Variants in ZMAT4 observed in about 807,000 individuals in gnomAD.
ZMAT4 encodes zinc finger matrin-type 4.
A neutral mutation model predicts 28.7 loss-of-function variants in ZMAT4; 17 were observed. The ratio of observed to expected loss-of-function variants is 0.59; its 90% confidence interval spans 0.41 to 0.89. The LOEUF is 0.89. ZMAT4 is among the 40% of genes least tolerant of loss of function. The probability of loss-of-function intolerance (pLI) is 0.00; values close to 1 mark genes in which losing one functional copy is unlikely to be tolerated. For synonymous variants in ZMAT4, 117 were observed against 109.2 expected, an observed-to-expected ratio of 1.07 and a Z score of -0.44; for missense variants, 240 against 283.8, an observed-to-expected ratio of 0.85 and a Z score of 1.11.
intron 3 of ZMAT4, among the ~76,000 whole-genome samples, chr8:40,764,206 AATTT>A (rs1176652389): frequency 6.6e-6 from 1 of 152,168 alleles, no homozygotes; most frequent in East Asian, 1.9e-4. Context: ...TGACCATAAC[AATTT>A]ATTTCTCACT....
intron 4 of ZMAT4, among the ~76,000 whole-genome samples, chr8:40,680,533 T>TG (rs1563407700): frequency 6.6e-6 from 1 of 152,036 alleles, no homozygotes; most frequent in Non-Finnish European, 1.5e-5. Context: ...GACCACCAGG[T>TG]GGGCGTCATT....
At chr8:40,800,153 G>T (rs1168177908) in intron 2 of ZMAT4, among the ~76,000 whole-genome samples, 2 of 152,134 alleles carry the variant, frequency 1.3e-5, no homozygotes, top group Non-Finnish European at 2.9e-5. Flanking sequence ...ATAAAAAGAG[G>T]TATTATGTAA....
At chr8:40,579,643 C>T (rs546933605) in intron 6 of ZMAT4, among the ~76,000 whole-genome samples, 1 of 152,194 alleles carries the variant, frequency 6.6e-6, no homozygotes, top group African/African-American at 2.4e-5. Context: ...CTGTGATGTA[C>T]ATCTTTGCAA....
intron 5 of ZMAT4, among the ~76,000 whole-genome samples, chr8:40,669,885 A>T (rs550874189): frequency 2.0e-5 from 3 of 152,328 alleles, no homozygotes; most frequent in Non-Finnish European, 4.4e-5. Context: ...AAACTACAAA[A>T]CATTGCCTAT....
intron 3 of ZMAT4, among the ~76,000 whole-genome samples, chr8:40,729,593 CTTTCTTT>C (rs1204302802): frequency 7.1e-6 from 1 of 140,006 alleles, no homozygotes; most frequent in Non-Finnish European, 1.6e-5. Flanking sequence ...TTCTTTCTTT[CTTTCTTT>C]TTTTTTTTTT....
intron 4 of ZMAT4, among the ~76,000 whole-genome samples, chr8:40,683,835 T>TTCCA (rs1488337380): frequency 2.0e-5 from 3 of 152,012 alleles, no homozygotes; most frequent in Non-Finnish European, 4.4e-5. Context: ...GAGGCTGAAA[T>TTCCA]GGGTGGATCA....
At chr8:40,820,763 A>ATGTAGGTGTGTTTACGTG (rs1402481677) in intron 2 of ZMAT4, among the ~76,000 whole-genome samples, 54 of 123,332 alleles carry the variant, frequency 4.4e-4, no homozygotes, top group Non-Finnish European at 5.2e-4. Flanking sequence ...GTGCATATGC[A>ATGTAGGTGTGTTTACGTG]TGTGTATATG....
At chr8:40,554,010 C>T (rs966072623) in intron 6 of ZMAT4, among the ~76,000 whole-genome samples, 2 of 152,136 alleles carry the variant, frequency 1.3e-5, no homozygotes, top group East Asian at 1.9e-4. Flanking sequence ...ACTCATGCCA[C>T]TTAAGGGTAC....
At chr8:40,804,196 A>G (rs948894586) in intron 2 of ZMAT4, among the ~76,000 whole-genome samples, 2 of 152,218 alleles carry the variant, frequency 1.3e-5, no homozygotes, top group African/African-American at 4.8e-5. Flanking sequence ...CATAGAATAT[A>G]TAACACCAAA....
At chr8:40,781,802 C>CATAA (rs1388612640) in intron 2 of ZMAT4, among the ~76,000 whole-genome samples, 1 of 128,424 alleles carries the variant, frequency 7.8e-6, no homozygotes, top group Admixed American at 7.6e-5. Flanking sequence ...GAAAAGAATC[C>CATAA]ATAAATAAAT....
intron 3 of ZMAT4, among the ~76,000 whole-genome samples, chr8:40,703,818 A>G (rs761931895): frequency 6.6e-6 from 1 of 152,226 alleles, no homozygotes; most frequent in Non-Finnish European, 1.5e-5. Flanking sequence ...GCCCAAAGAT[A>G]TGTTGAAATT....
chr8:40,856,628 C>T (rs990904623), intron 1 of ZMAT4, among the ~76,000 whole-genome samples: 3 of 152,190 alleles, frequency 2.0e-5, no homozygotes, highest in Non-Finnish European at 4.4e-5. Context: ...CCCTGAAGAC[C>T]TCTTGAAGGA....
At chr8:40,663,075 C>T (rs1454796800) in intron 5 of ZMAT4, among the ~76,000 whole-genome samples, 1 of 152,128 alleles carries the variant, frequency 6.6e-6, no homozygotes, top group African/African-American at 2.4e-5. Flanking sequence ...AATACAGTTC[C>T]GCTTTGCCTG....
At chr8:40,803,316 A>G (rs979098635) in intron 2 of ZMAT4, among the ~76,000 whole-genome samples, 4 of 152,172 alleles carry the variant, frequency 2.6e-5, no homozygotes, top group Admixed American at 6.5e-5. Context: ...TATTTGCAAA[A>G]TATTTCTGCT....
intron 6 of ZMAT4, among the ~76,000 whole-genome samples, chr8:40,558,226 G>A (rs1340786731): frequency 2.0e-5 from 3 of 152,164 alleles, no homozygotes; most frequent in Non-Finnish European, 4.4e-5. Flanking sequence ...AGCACGAAGA[G>A]TCCGAATCCT....
chr8:40,715,203 T>C (rs1810798154), intron 3 of ZMAT4, among the ~76,000 whole-genome samples: 1 of 152,018 alleles, frequency 6.6e-6, no homozygotes, highest in Non-Finnish European at 1.5e-5. Flanking sequence ...GAGCATGAGG[T>C]GAGCAGCATG....
At chr8:40,631,309 T>C (rs2722420) in intron 5 of ZMAT4, among the ~76,000 whole-genome samples, 149,054 of 152,262 alleles carry the variant, frequency 0.98, 73,055 homozygotes, top group Middle Eastern at 1. Flanking sequence ...AGGTGCAAAT[T>C]ACCACATCCA....
intron 3 of ZMAT4, among the ~76,000 whole-genome samples, chr8:40,705,248 G>A (rs1047949699): frequency 6.6e-6 from 1 of 152,130 alleles, no homozygotes; most frequent in African/African-American, 2.4e-5. Context: ...GGAGAAATTA[G>A]CCAGAGTTCC....
At chr8:40,637,689 G>T (rs1444479468) in intron 5 of ZMAT4, among the ~76,000 whole-genome samples, 10 of 152,190 alleles carry the variant, frequency 6.6e-5, no homozygotes, top group Non-Finnish European at 1.0e-4. Context: ...ACAAATGACT[G>T]CATTTAAGAA....
Sources: allele counts gnomAD v4.1 joint callset (sites outside exome capture counted in the v4.1 genomes callset), GRCh38; gene constraint gnomAD v4.1.1; transcripts MANE v1.5; gene names NCBI Gene and HGNC (gene_info 2026-07-23, HGNC 2026-07-21).